Variants in CDYL observed in about 807,000 individuals in gnomAD.
CDYL encodes chromodomain Y like.
In CDYL, 8 loss-of-function variants were observed where a neutral mutation model predicts 47.3. That is an observed-to-expected ratio of 0.17 (90% CI 0.10 to 0.31). The LOEUF is 0.31. Among genes scored for constraint, CDYL ranks in the 10% least tolerant of loss-of-function variants. The pLI is 1.00. For missense variants in CDYL, 471 were observed against 701.4 expected (o/e 0.67, Z 3.71); for synonymous variants, 266 against 265.0 (o/e 1.00, Z -0.04).
In CDYL at chr6:4,892,027, T is replaced by C. The variant is rs1762060254; in HGVS notation, c.339T>C (p.Phe113=). The change falls in exon 2 of 7, where the codon TTT becomes TTC. Residue 113 remains phenylalanine, a synonymous_variant. Transcript: ENST00000397588. ...ACGAATCCAAAAACAGCCAGCTGTTTGCTGCCAGCCAGAAGTTCAGGAAGA... is the reference window on the plus strand; with the variant it reads ...ACGAATCCAAAAACAGCCAGCTGTTCGCTGCCAGCCAGAAGTTCAGGAAGA... ...KDHESKNSQL[F]AASQKFRKNT... is the part of the protein sequence containing the mutation. The C allele has an allele frequency of 6.2e-7, 1 of 1,614,072 alleles. No homozygotes were observed. Among genetic ancestry groups the C allele is most frequent in the African/African-American group, 1.3e-5 (1 of 74,920 alleles).
At chr6:4,856,091 G>A (rs964958945) in intron 1 of CDYL, among the ~76,000 whole-genome samples, 2 of 152,204 alleles carry the variant, frequency 1.3e-5, no homozygotes, top group African/African-American at 4.8e-5. Flanking sequence ...CAGCAAATGT[G>A]CCTCCTTTGT....
chr6:4,912,963 T>C (rs1013555118), intron 2 of CDYL, among the ~76,000 whole-genome samples: 5 of 152,210 alleles, frequency 3.3e-5, no homozygotes, highest in Non-Finnish European at 2.9e-5. Flanking sequence ...TTGGAAGGGA[T>C]AAATGTTCAA....
chr6:4,953,578 T>C (rs1330143521), intron 6 of CDYL, among the ~76,000 whole-genome samples: 1 of 152,202 alleles, frequency 6.6e-6, no homozygotes, highest in Non-Finnish European at 1.5e-5. Context: ...TTTCTGGGCA[T>C]CAGCAGAGCA....
intron 1 of CDYL, among the ~76,000 whole-genome samples, chr6:4,838,614 C>G (rs1378008485): frequency 6.6e-6 from 1 of 151,972 alleles, no homozygotes; most frequent in Non-Finnish European, 1.5e-5. Context: ...GTGCAAGTGT[C>G]TTTTTCATAT....
Position 4,837,400 on chromosome 6 carries a change from C to T in CDYL, c.25-54313C>T, listed in dbSNP as rs147849065. On this transcript the variant is annotated intron_variant, in intron 1 of 6. Coordinates refer to ENST00000397588, the MANE Select transcript of CDYL (RefSeq NM_004824.4). ...AAAAATTATGAAGTAAACGTCAGTG[C>T]GTTACAATAAAGGGATCACCTGTAC... is the stretch of plus-strand genomic sequence containing the variant. Among the ~76,000 whole-genome samples the T allele has an allele frequency of 8.5e-3, 1,282 of 151,306 alleles. 20 individuals are homozygous for T. Among genetic ancestry groups the T allele is most frequent in the African/African-American group, 0.03 (1,227 of 41,284 alleles).
intron 4 of CDYL, among the ~76,000 whole-genome samples, chr6:4,938,672 C>G (rs1758275617): frequency 6.6e-6 from 1 of 152,094 alleles, no homozygotes; most frequent in South Asian, 2.1e-4. Flanking sequence ...CAATAGATGT[C>G]TTGATCTAAG....
intron 2 of CDYL, among the ~76,000 whole-genome samples, chr6:4,895,898 A>C (rs1341201761): frequency 2.6e-5 from 4 of 152,220 alleles, no homozygotes; most frequent in African/African-American, 9.6e-5. Context: ...GCATTGGTTA[A>C]ACCAAAAGGG....
chr6:4,871,367 G>C (rs1761467242), intron 1 of CDYL, among the ~76,000 whole-genome samples: 1 of 152,156 alleles, frequency 6.6e-6, no homozygotes, highest in Admixed American at 6.5e-5. Flanking sequence ...AGGTTTCAAG[G>C]CTGCCCCAAA....
intron 2 of CDYL, among the ~76,000 whole-genome samples, chr6:4,733,422 T>TAAAAAAAAA (rs5873946): frequency 7.2e-6 from 1 of 138,824 alleles, no homozygotes. Context: ...TCAGATAAAG[T>TAAAAAAAAA]AAAAAAAAAA....
At chr6:4,748,286 G>A (rs1757931923) in intron 3 of CDYL, among the ~76,000 whole-genome samples, 1 of 152,020 alleles carries the variant, frequency 6.6e-6, no homozygotes, top group Non-Finnish European at 1.5e-5. Flanking sequence ...AGTTGGGGAG[G>A]CCAAAGCTGG....
chr6:4,952,954 C>CA (rs1010037859), intron 6 of CDYL, among the ~76,000 whole-genome samples: 1 of 151,848 alleles, frequency 6.6e-6, no homozygotes, highest in African/African-American at 2.4e-5. Context: ...TTTCAGTAGA[C>CA]ACGGAGTCTC....
intron 2 of CDYL, among the ~76,000 whole-genome samples, chr6:4,724,029 C>T (rs1171302632): frequency 6.6e-6 from 1 of 152,146 alleles, no homozygotes; most frequent in Non-Finnish European, 1.5e-5. Context: ...TTGAGTCCTG[C>T]ATCTGTCCCC....
At position 4,940,393 on chromosome 6, in the gene CDYL, G is replaced by C. The variant is rs576958365; in HGVS notation, c.1121+2656G>C. ...TAAATTAATTTTTATGTGGATAAAAGCTCTTCCTGTGTATATTTTTCATTT... is the reference window on the plus strand; with the variant it reads ...TAAATTAATTTTTATGTGGATAAAACCTCTTCCTGTGTATATTTTTCATTT... On this transcript the variant is annotated intron_variant, in intron 4 of 6. Transcript: ENST00000397588. Among the ~76,000 whole-genome samples, 4 of 152,270 alleles carry C rather than the reference G, an allele frequency of 2.6e-5. No homozygotes were observed. In the East Asian group the frequency reaches 7.7e-4, roughly 29 times the overall value.
intron 1 of CDYL, among the ~76,000 whole-genome samples, chr6:4,802,715 A>G (rs913735765): frequency 1.5e-4 from 23 of 151,430 alleles, no homozygotes; most frequent in Admixed American, 2.0e-4. Flanking sequence ...TAGGGTCATT[A>G]TTCAGTTTAT....
chr6:4,790,301 A>G (rs761567588), intron 1 of CDYL, among the ~76,000 whole-genome samples: 20 of 152,218 alleles, frequency 1.3e-4, no homozygotes, highest in Non-Finnish European at 2.5e-4. Flanking sequence ...ATGGGACTTA[A>G]TACTATGTGT....
rs1336611978 is a variant in CDYL, at chr6:4,955,083, AAG to A, written c.*1029_*1030del. ...TGCAAAAACTCCTTTCAAAACAAAA[AAG>A]AACTACCTTATATTCAACATTTAAT... On this transcript the variant is annotated 3_prime_UTR_variant, in exon 7 of 7. Transcript: ENST00000397588. The A allele has an allele frequency of 3.3e-5, 5 of 152,656 alleles. No individual in the cohort carries two copies. Among genetic ancestry groups the A allele is most frequent in the Non-Finnish European group, 7.3e-5 (5 of 68,028 alleles). The allele number at this position is 152,656 out of a possible 1,614,324, so 9.5% of individuals were successfully genotyped here.
chr6:4,749,339 GGCTGGATATGA>G, intron 3 of CDYL, among the ~76,000 whole-genome samples: 1 of 130,136 alleles, frequency 7.7e-6, no homozygotes, highest in African/African-American at 2.5e-5. Flanking sequence ...ATGGATGGAT[GGCTGGATATGA>G]GATAGATGGA....
intron 2 of CDYL, among the ~76,000 whole-genome samples, chr6:4,909,515 G>C (rs940511642): frequency 6.6e-6 from 1 of 152,120 alleles, no homozygotes; most frequent in African/African-American, 2.4e-5. Flanking sequence ...ATATATTACT[G>C]CCCTGCTTAA....
intron 1 of CDYL, among the ~76,000 whole-genome samples, chr6:4,827,583 G>A (rs949622856): frequency 6.6e-6 from 1 of 152,160 alleles, no homozygotes; most frequent in African/African-American, 2.4e-5. Context: ...CTCCCTTTAT[G>A]TTCTTACAAA....
Sources: allele counts gnomAD v4.1 joint callset (sites outside exome capture counted in the v4.1 genomes callset), GRCh38; gene constraint gnomAD v4.1.1; transcripts MANE v1.5; gene names NCBI Gene and HGNC (gene_info 2026-07-23, HGNC 2026-07-21).